The following GRM7 variants were observed in gnomAD, a reference collection of about 807,000 sequenced individuals.
The protein encoded by GRM7 is glutamate metabotropic receptor 7, also known as metabotropic glutamate receptor 7.
In GRM7, 35 loss-of-function variants were observed where a neutral mutation model predicts 84.5. The observed-to-expected ratio is 0.41, with a 90% confidence interval of 0.32 to 0.55. GRM7 has a LOEUF of 0.55. Among genes scored for constraint, GRM7 ranks in the 20% least tolerant of loss-of-function variants. GRM7 has a pLI of 0.19. For synonymous variants in GRM7, 487 were observed against 455.1 expected, an observed-to-expected ratio of 1.07 and a Z score of -0.89; for missense variants, 1,003 against 1,194.6, an observed-to-expected ratio of 0.84 and a Z score of 2.36.
intron 1 of GRM7, among the ~76,000 whole-genome samples, chr3:7,119,188 C>T (rs753640007): frequency 1.3e-5 from 2 of 152,072 alleles, no homozygotes; most frequent in Non-Finnish European, 1.5e-5. Flanking sequence ...TATGCTTTTG[C>T]TTCCACATTT....
At chr3:7,041,884 A>G (rs1397289990) in intron 1 of GRM7, among the ~76,000 whole-genome samples, 1 of 152,220 alleles carries the variant, frequency 6.6e-6, no homozygotes, top group African/African-American at 2.4e-5. Flanking sequence ...AAGGGGGCAG[A>G]AGTGTTAGTT....
chr3:7,583,866 A>G (rs1386302869), intron 8 of GRM7, among the ~76,000 whole-genome samples: 1 of 152,094 alleles, frequency 6.6e-6, no homozygotes, highest in African/African-American at 2.4e-5. Flanking sequence ...TGCCCTTGGT[A>G]CTCTGTTAAG....
chr3:7,087,544 G>A (rs1698502988), intron 1 of GRM7, among the ~76,000 whole-genome samples: 1 of 152,072 alleles, frequency 6.6e-6, no homozygotes, highest in African/African-American at 2.4e-5. Context: ...GGAAAAGAAA[G>A]ACATAGACTT....
Position 6,927,571 on chromosome 3 carries a change from C to T in GRM7, c.519+65664C>T, listed in dbSNP as rs561501526. Among the ~76,000 whole-genome samples, 24 of 151,616 alleles carry T rather than the reference C, an allele frequency of 1.6e-4. No homozygotes were observed. In the South Asian group the frequency reaches 4.8e-3, roughly 30 times the overall value. ...GTTAAATTAGGAAAATTATTAAATA[C>T]AGAAAAATTTAGAAAAAAATATACT... On this transcript the variant is annotated intron_variant, in intron 1 of 9. Coordinates refer to ENST00000357716, the MANE Select transcript of GRM7 (RefSeq NM_000844.4).
intron 2 of GRM7, among the ~76,000 whole-genome samples, chr3:7,281,159 TA>T (rs1699239565): frequency 6.6e-6 from 1 of 152,220 alleles, no homozygotes; most frequent in South Asian, 2.1e-4. Context: ...CGGGTATTTC[TA>T]AAATAAGTAT....
intron 3 of GRM7, among the ~76,000 whole-genome samples, chr3:7,301,445 A>G (rs996123378): frequency 1.3e-5 from 2 of 152,078 alleles, no homozygotes; most frequent in Admixed American, 1.3e-4. Flanking sequence ...TTTAACACCC[A>G]TTTTACACTT....
At chr3:6,886,170 C>T (rs62235363) in intron 1 of GRM7, among the ~76,000 whole-genome samples, 1 of 151,772 alleles carries the variant, frequency 6.6e-6, no homozygotes, top group African/African-American at 2.4e-5. Flanking sequence ...TTTCAAGTAA[C>T]CAGTGCTGTA....
intron 4 of GRM7, among the ~76,000 whole-genome samples, chr3:7,381,230 T>C (rs761516326): frequency 4.5e-4 from 68 of 152,260 alleles, no homozygotes; most frequent in Middle Eastern, 3.4e-3. Context: ...TATAACTTCA[T>C]TTACATTATG....
intron 9 of GRM7, among the ~76,000 whole-genome samples, chr3:7,739,658 C>T (rs966530099): frequency 2.6e-5 from 4 of 152,060 alleles, no homozygotes; most frequent in African/African-American, 9.7e-5. Context: ...CCTGTGGCTG[C>T]AATACAGTAG....
intron 4 of GRM7, among the ~76,000 whole-genome samples, chr3:7,374,710 C>T (rs1208724168): frequency 1.3e-5 from 2 of 149,250 alleles, no homozygotes; most frequent in African/African-American, 2.5e-5. Context: ...AGGGTGGTCT[C>T]GAACTCCTAA....
intron 2 of GRM7, among the ~76,000 whole-genome samples, chr3:7,202,180 T>C (rs1467783044): frequency 2.6e-5 from 4 of 152,218 alleles, no homozygotes; most frequent in African/African-American, 7.2e-5. Context: ...TTTTCCATGA[T>C]ATATGTAGAA....
chr3:7,311,355 C>T (rs927228679), intron 4 of GRM7, among the ~76,000 whole-genome samples: 4 of 151,704 alleles, frequency 2.6e-5, no homozygotes, highest in African/African-American at 9.7e-5. Context: ...ATCCACTGGA[C>T]TCATAGGTGA....
intron 1 of GRM7, among the ~76,000 whole-genome samples, chr3:7,126,307 C>T (rs1693397503): frequency 6.6e-6 from 1 of 152,144 alleles, no homozygotes; most frequent in African/African-American, 2.4e-5. Context: ...ATTACCATAA[C>T]TCTGCACAGA....
chr3:7,233,952 C>T (rs1391459304), intron 2 of GRM7, among the ~76,000 whole-genome samples: 2 of 152,040 alleles, frequency 1.3e-5, no homozygotes, highest in African/African-American at 2.4e-5. Flanking sequence ...TATCCTAAAG[C>T]GGTTCAAGGC....
At chr3:7,306,695 G>A (rs558709911) in intron 4 of GRM7, 43 bp downstream of exon 4, 82 of 1,507,096 alleles carry the variant, frequency 5.4e-5, no homozygotes, top group Non-Finnish European at 7.1e-5. Flanking sequence ...AGAAGTTCTG[G>A]TGCCATGCTG....
chr3:7,102,503 C>G (rs1041282595), intron 1 of GRM7, among the ~76,000 whole-genome samples: 3 of 151,654 alleles, frequency 2.0e-5, no homozygotes, highest in Non-Finnish European at 1.5e-5. Flanking sequence ...TGCCCTCATA[C>G]CTATGGTATG....
chr3:7,018,151 A>G (rs1209837446), intron 1 of GRM7, among the ~76,000 whole-genome samples: 1 of 152,236 alleles, frequency 6.6e-6, no homozygotes, highest in African/African-American at 2.4e-5. Flanking sequence ...ATATATCCTT[A>G]TATTACTTTA....
chr3:7,181,102 G>C (rs11927940), intron 2 of GRM7, among the ~76,000 whole-genome samples: 55,079 of 151,992 alleles, frequency 0.36, 10,567 homozygotes, highest in African/African-American at 0.48. Flanking sequence ...CATAGATATA[G>C]AGACGGAGAA....
intron 1 of GRM7, among the ~76,000 whole-genome samples, chr3:7,029,362 C>G (rs974171070): frequency 4.0e-5 from 6 of 151,138 alleles, no homozygotes; most frequent in Admixed American, 3.3e-4. Context: ...AGTTATACTT[C>G]TGGGTACATA....
Sources: allele counts gnomAD v4.1 joint callset (sites outside exome capture counted in the v4.1 genomes callset), GRCh38; gene constraint gnomAD v4.1.1; transcripts MANE v1.5; gene names NCBI Gene and HGNC (gene_info 2026-07-23, HGNC 2026-07-21).